CAMSAP3: variants seen among roughly 807,000 people sequenced by gnomAD.
The protein encoded by CAMSAP3 is calmodulin-regulated spectrin-associated protein 3.
A neutral mutation model predicts 112.5 loss-of-function variants in CAMSAP3; 34 were observed. The ratio of observed to expected loss-of-function variants is 0.30; its 90% CI spans 0.23 to 0.40. The LOEUF (loss-of-function observed/expected upper bound fraction) is 0.40. CAMSAP3 is among the 10% of genes least tolerant of loss of function. The probability of loss-of-function intolerance (pLI) is 1.00; values close to 1 mark genes in which losing one functional copy is unlikely to be tolerated. For missense variants in CAMSAP3, 1,602 were observed against 1,770.3 expected, an observed-to-expected ratio of 0.90 and a Z score of 1.71; for synonymous variants, 868 against 799.8, an observed-to-expected ratio of 1.09 and a Z score of -1.44.
chr19:7,605,496 C>T lies in CAMSAP3; in HGVS notation c.402+17C>T. On this transcript the variant is annotated intron_variant, in intron 2 of 16. Coordinates refer to ENST00000160298, the MANE Select transcript of CAMSAP3 (RefSeq NM_020902.2). ...ATTCTCATGGTAGGCCCCGCCACTG[C>T]CTGTTAGACCACGCCTACCATGCTC... The T allele has an allele frequency of 6.9e-7, 1 of 1,450,314 alleles. No homozygotes were observed. The highest frequency in any genetic ancestry group is 9.1e-7 in the Non-Finnish European group (1 of 1,101,974). The allele number at this position is 1,450,314 out of a possible 1,614,324, so 89.8% of individuals were successfully genotyped here.
chr19:7,607,960 G>T lies in CAMSAP3; in HGVS notation c.622-166G>T. On this transcript the variant is annotated intron_variant, in intron 4 of 16. Coordinates refer to ENST00000160298, the MANE Select transcript of CAMSAP3 (RefSeq NM_020902.2). This position sits in a 1 kb window ranked among gnomAD's most constrained non-coding sequence, Gnocchi z 4.9. ...CTCGAAGACATCTCCTCTGCCTCTT[G>T]CTGCTGCCCCTCCCCTGCTCCAGGC... 1 of 877,538 alleles carries T rather than the reference G, an allele frequency of 1.1e-6. No individual in the cohort carries two copies. The highest frequency in any genetic ancestry group is 1.8e-6 in the Non-Finnish European group (1 of 542,254). The allele number at this position is 877,538 out of a possible 1,614,324, so 54.4% of individuals were successfully genotyped here.
intron 11 of CAMSAP3, among the ~76,000 whole-genome samples, chr19:7,613,800 C>T (rs560679453): frequency 3.9e-5 from 6 of 152,236 alleles, no homozygotes; most frequent in African/African-American, 1.4e-4. Context: ...CACCCCTTTC[C>T]TGGCCCTGCC....
rs2024430373 is a variant in CAMSAP3 at position 7,596,046 on chromosome 19, C to G, written c.44C>G (p.Thr15Ser). 3 of 1,261,856 alleles carry G rather than the reference C, an allele frequency of 2.4e-6. No homozygotes were observed. The highest frequency in any genetic ancestry group is 3.1e-6 in the Non-Finnish European group (3 of 976,642). 78.2% of individuals were successfully genotyped at this position (1,261,856 alleles called of 1,614,324 possible). Reference protein sequence around the residue: ...APPGPGPLRRTFLVPEIKSLD... With the variant: ...APPGPGPLRRSFLVPEIKSLD... Reference sequence around the variant, plus strand: ...CCCGGGCCCGGGCCGCTGCGGAGGACCTTTCTAGTGCCCGAGATCAAGTCG... The same window carrying G: ...CCCGGGCCCGGGCCGCTGCGGAGGAGCTTTCTAGTGCCCGAGATCAAGTCG... Residue 15 changes from threonine to serine, a missense_variant, in exon 1 of 17, where the codon ACC becomes AGC. Thr to Ser is a moderately conservative substitution (Grantham distance 58, BLOSUM62 1). This residue lies in a region of CAMSAP3 where 147 missense variants were observed against 144.6 expected (regional missense o/e 1.02). Coordinates refer to ENST00000160298, the MANE Select transcript of CAMSAP3 (RefSeq NM_020902.2).
At chr19:7,614,044 G>A (rs1000957559) in intron 11 of CAMSAP3, among the ~76,000 whole-genome samples, 2 of 152,032 alleles carry the variant, frequency 1.3e-5, no homozygotes, top group African/African-American at 4.8e-5. Context: ...GGCGGATCAT[G>A]AGGTCAGGAG....
chr19:7,618,183 C>T lies in CAMSAP3; in HGVS notation c.*126C>T. ...TGTCTGGGTGGGGCTGGAGTCTCCACCCTCTGACTTTGAGTCCAGTCCTGC... is the reference window on the plus strand; with the variant it reads ...TGTCTGGGTGGGGCTGGAGTCTCCATCCTCTGACTTTGAGTCCAGTCCTGC... On this transcript the variant is annotated 3_prime_UTR_variant, in exon 17 of 17. Transcript: ENST00000160298. The T allele has an allele frequency of 9.1e-7, 1 of 1,096,958 alleles. No individual in the cohort carries two copies. Among genetic ancestry groups the T allele is most frequent in the Non-Finnish European group, 1.3e-6 (1 of 782,878 alleles). The allele number at this position is 1,096,958 out of a possible 1,614,324, so 68.0% of individuals were successfully genotyped here.
chr19:7,602,095 ATAGTATAAGGC>A (rs1025321689), intron 1 of CAMSAP3, among the ~76,000 whole-genome samples: 14 of 152,250 alleles, frequency 9.2e-5, no homozygotes, highest in African/African-American at 3.4e-4. Context: ...GAATAAGTTT[ATAGTATAAGGC>A]AGTGGTTCTC....
Position 7,612,693 on chromosome 19 carries a change from C to T in CAMSAP3, c.2200C>T (p.Pro734Ser). 6.6e-7 allele frequency: 1 copy of T among 1,516,656 alleles called. No individual in the cohort carries two copies. Among genetic ancestry groups the T allele is most frequent in the Non-Finnish European group, 8.8e-7 (1 of 1,135,240 alleles). The allele number at this position is 1,516,656 out of a possible 1,614,324, so 93.9% of individuals were successfully genotyped here. The change falls in exon 11 of 17, where the codon CCC becomes TCC. Residue 734 changes from proline (P) to serine (S), a missense_variant. Pro to Ser is a moderately conservative substitution (Grantham distance 74). Transcript: ENST00000160298. The stretch of plus-strand genomic sequence containing the variant: ...GCGGCTCCTGGCCCCGCCCGAGGCC[C>T]CCGGATCCGCCCCACCACCTGCTGC... Reference protein sequence around the residue: ...QQRLLAPPEAPGSAPPPAAWV... With the variant: ...QQRLLAPPEASGSAPPPAAWV...
In CAMSAP3 at chr19:7,617,609, A is replaced by G; in HGVS notation, c.3392A>G (p.His1131Arg). The part of the protein sequence containing the change: ...NKFIIHNALS[H>R]CCLAGKVNEP... ...TTCATCATCCACAATGCCCTATCAC[A>G]CTGCTGCCTGGCGGGCAAGGTGAAC... Residue 1131 changes from histidine to arginine, a missense_variant, in exon 16 of 17, where the codon CAC (histidine) becomes CGC (arginine). This residue lies in a region of CAMSAP3 where 150 missense variants were observed against 207.6 expected (regional missense o/e 0.72). Transcript: ENST00000160298. This position sits in a 1 kb window ranked among gnomAD's most constrained non-coding sequence, Gnocchi z 7.5. The G allele has an allele frequency of 1.2e-6, 2 of 1,613,928 alleles. No homozygotes were observed. Among genetic ancestry groups the G allele is most frequent in the African/African-American group, 1.3e-5 (1 of 74,964 alleles).
chr19:7,608,253 T>G lies in CAMSAP3; in HGVS notation c.749T>G (p.Leu250Arg). 2 of 1,611,938 alleles carry G rather than the reference T, an allele frequency of 1.2e-6. No individual in the cohort carries two copies. The highest frequency in any genetic ancestry group is 1.7e-6 in the Non-Finnish European group (2 of 1,179,140). ...ATIHCYCPQL[L>R]RLEEVCLKDP... Reference sequence around the variant, plus strand: ...ATCCACTGCTATTGTCCCCAGCTGCTTCGACTTGAGGGTGAGTAAATGGAT... The same window carrying G: ...ATCCACTGCTATTGTCCCCAGCTGCGTCGACTTGAGGGTGAGTAAATGGAT... The change falls in exon 5 of 17, where the codon CTT becomes CGT. Residue 250 changes from leucine to arginine, a missense_variant. Leu to Arg is a moderately radical substitution (Grantham distance 102). Around this residue, in one of 6 missense-constraint regions of CAMSAP3, gnomAD observed 58 missense variants for 108.4 expected, o/e 0.54. Coordinates refer to ENST00000160298, the MANE Select transcript of CAMSAP3 (RefSeq NM_020902.2).
chr19:7,617,272 C>A lies in CAMSAP3; in HGVS notation c.3213-54C>A. 1.6e-6 allele frequency: 2 copies of A among 1,282,694 alleles called. No homozygotes were observed. Among genetic ancestry groups the A allele is most frequent in the Non-Finnish European group, 2.3e-6 (2 of 879,252 alleles). The allele number at this position is 1,282,694 out of a possible 1,614,324, so 79.5% of individuals were successfully genotyped here. On this transcript the variant is annotated intron_variant, in intron 14 of 16. Transcript: ENST00000160298. The surrounding 1 kb of genome is among the most constrained non-coding windows in gnomAD (Gnocchi z 7.5). The stretch of plus-strand genomic sequence containing the variant: ...CATAGGGAAGCTTCCCATCTCTGAC[C>A]CCACCTCCATCCCATCCTGACCCCA...
At chr19:7,604,322 C>T (rs569647196) in intron 1 of CAMSAP3, among the ~76,000 whole-genome samples, 13 of 152,226 alleles carry the variant, frequency 8.5e-5, no homozygotes, top group African/African-American at 3.1e-4. Flanking sequence ...TTCCCATTGT[C>T]CTATTTAGGG....
Position 7,611,753 on chromosome 19 carries a change from C to T in CAMSAP3, c.1260C>T (p.Val420=). 2.5e-6 allele frequency: 4 copies of T among 1,584,876 alleles called. No individual in the cohort carries two copies. Among genetic ancestry groups the T allele is most frequent in the Non-Finnish European group, 3.4e-6 (4 of 1,164,548 alleles). Residue 420 remains valine, a synonymous_variant, in exon 11 of 17, where the codon GTC becomes GTT. Transcript: ENST00000160298. The surrounding 1 kb of genome is among the most constrained non-coding windows in gnomAD (Gnocchi z 6.9). The part of the protein sequence containing the change: ...PFGLDSDVDV[V]MGDPVLLRSV... ...GCCTGGACAGCGACGTGGATGTCGT[C>T]ATGGGAGACCCTGTGCTCCTCCGCT...
Position 7,605,233 on chromosome 19 carries a change from G to A in CAMSAP3, c.156G>A (p.Val52=), listed in dbSNP as rs770053927. 2.0e-6 allele frequency: 3 copies of A among 1,531,472 alleles called. No homozygotes were observed. The highest frequency in any genetic ancestry group is 2.5e-5 in the South Asian group (2 of 81,116). 94.9% of individuals were successfully genotyped at this position (1,531,472 alleles called of 1,614,324 possible). ...CCCTCTATGCCCCCACAGAGCACGTGCCCCCGGAGCTGTGGGAGCCCTTCT... is the reference window on the plus strand; with the variant it reads ...CCCTCTATGCCCCCACAGAGCACGTACCCCCGGAGCTGTGGGAGCCCTTCT... The part of the protein sequence containing the change: ...LRAAFGGAEH[V]PPELWEPFYT... Residue 52 remains valine, a synonymous_variant, in exon 2 of 17, where the codon GTG becomes GTA. Coordinates refer to ENST00000160298, the MANE Select transcript of CAMSAP3 (RefSeq NM_020902.2).
At position 7,611,814 on chromosome 19, in the gene CAMSAP3, G is replaced by C. The variant is rs780661749; in HGVS notation, c.1321G>C (p.Ala441Pro). 3 of 1,592,466 alleles carry C rather than the reference G, an allele frequency of 1.9e-6. No homozygotes were observed. The highest frequency in any genetic ancestry group is 2.3e-5 in the South Asian group (2 of 88,218). Residue 441 changes from alanine to proline, a missense_variant, in exon 11 of 17, where the codon GCG (alanine) becomes CCG (proline). By Grantham distance (27) the Ala-to-Pro change is conservative. Transcript: ENST00000160298. This position sits in a 1 kb window ranked among gnomAD's most constrained non-coding sequence, Gnocchi z 6.9. ...SSDSLGPPRP[A>P]PARTPTQPPP... is the part of the protein sequence containing the mutation. ...GGACAGCCTGGGCCCCCCGCGTCCCGCGCCGGCCAGGACCCCCACCCAGCC... is the reference window on the plus strand; with the variant it reads ...GGACAGCCTGGGCCCCCCGCGTCCCCCGCCGGCCAGGACCCCCACCCAGCC...
In CAMSAP3 at chr19:7,610,317, CAAAA is replaced by C. The variant is rs749017357; in HGVS notation, c.761-146_761-143del. ...TGGGTGACAGAGCGAGACTCCATCT[CAAAA>C]AAAAAAAAAAAAGAATTCACCTCTC... On this transcript the variant is annotated intron_variant, in intron 5 of 16. Coordinates refer to ENST00000160298, the MANE Select transcript of CAMSAP3 (RefSeq NM_020902.2). This position sits in a 1 kb window ranked among gnomAD's most constrained non-coding sequence, Gnocchi z 4.9. 2.7e-5 allele frequency among the ~76,000 whole-genome samples: 3 copies of C among 111,744 alleles called. No individual in the cohort carries two copies. Among genetic ancestry groups the C allele is most frequent in the Non-Finnish European group, 3.9e-5 (2 of 51,820 alleles). The allele number at this position is 111,744 out of a possible 152,430, so 73.3% of individuals were successfully genotyped here.
At position 7,612,190 on chromosome 19, in the gene CAMSAP3, G is replaced by C. The variant is rs1444809563; in HGVS notation, c.1697G>C (p.Ser566Thr). 1 of 1,608,644 alleles carries C rather than the reference G, an allele frequency of 6.2e-7. No individual in the cohort carries two copies. ...AATNSEVKMT[S>T]FAERKKQLVK... ...ACCAACTCCGAGGTGAAAATGACCA[G>C]CTTTGCAGAACGCAAGAAACAGCTG... Residue 566 changes from serine (S) to threonine (T), a missense_variant, in exon 11 of 17, where the codon AGC (serine) becomes ACC (threonine). Around this residue, in one of 6 missense-constraint regions of CAMSAP3, gnomAD observed 1,100 missense variants for 1,135.7 expected, o/e 0.97. Transcript: ENST00000160298.
At position 7,610,649 on chromosome 19, in the gene CAMSAP3, G is replaced by A. The variant is rs750686657; in HGVS notation, c.900+34G>A. 2.8e-5 allele frequency: 45 copies of A among 1,613,608 alleles called. No homozygotes were observed. The highest frequency in any genetic ancestry group is 6.7e-5 in the Admixed American group (4 of 59,996). On this transcript the variant is annotated intron_variant, in intron 6 of 16. Coordinates refer to ENST00000160298, the MANE Select transcript of CAMSAP3 (RefSeq NM_020902.2). This position sits in a 1 kb window ranked among gnomAD's most constrained non-coding sequence, Gnocchi z 4.9. ...ATCCTGGGGCCTCCTGGGCCGAGGC[G>A]GGCATCTGGGGCCAGGGGTCCCGTC...
At chr19:7,602,969 GAAATAC>G (rs1301892715) in intron 1 of CAMSAP3, among the ~76,000 whole-genome samples, 4 of 152,198 alleles carry the variant, frequency 2.6e-5, no homozygotes, top group African/African-American at 9.6e-5. Flanking sequence ...AAGTGAGCCT[GAAATAC>G]CTCTTCTTTC....
intron 4 of CAMSAP3, chr19:7,606,831 C>G (rs1406168717): frequency 6.2e-7 from 1 of 1,613,040 alleles, no homozygotes; most frequent in Non-Finnish European, 8.5e-7. Context: ...TGTCTGTCCG[C>G]CCCGTCTGCC....
Sources: allele counts gnomAD v4.1 joint callset (sites outside exome capture counted in the v4.1 genomes callset), GRCh38; gene constraint gnomAD v4.1.1; regional missense constraint gnomAD v4.1.1; non-coding constraint Gnocchi (gnomAD v3.1); transcripts MANE v1.5; gene names NCBI Gene and HGNC (gene_info 2026-07-23, HGNC 2026-07-21).